LPAR3: variants seen among roughly 807,000 people sequenced by gnomAD.
LPAR3 encodes LPA receptor 3.
Under a neutral mutation model 17.8 loss-of-function variants are expected in LPAR3, and 7 were observed. The ratio of observed to expected loss-of-function variants is 0.39; its 90% confidence interval spans 0.22 to 0.74. The LOEUF (loss-of-function observed/expected upper bound fraction) is 0.74, where lower values mean the gene tolerates loss of function less well. Among genes scored for constraint, LPAR3 ranks in the 30% least tolerant of loss-of-function variants. The probability of loss-of-function intolerance (pLI) is 0.40; values close to 1 mark genes in which losing one functional copy is unlikely to be tolerated. For missense variants in LPAR3, 391 were observed against 453.4 expected (o/e 0.86, Z 1.25); for synonymous variants, 179 against 179.9 (o/e 0.99, Z 0.04).
At chr1:84,859,218 C>T (rs878972742) in intron 2 of LPAR3, among the ~76,000 whole-genome samples, 1 of 152,180 alleles carries the variant, frequency 6.6e-6, no homozygotes, top group Admixed American at 6.5e-5. Context: ...TGGCAAGGCT[C>T]TTTATGGTAC....
At chr1:84,887,971 G>A (rs1193794082) in intron 1 of LPAR3, among the ~76,000 whole-genome samples, 1 of 152,054 alleles carries the variant, frequency 6.6e-6, no homozygotes, top group Non-Finnish European at 1.5e-5. Context: ...GGATGATAGT[G>A]TTTTGTATCA....
chr1:84,852,331 G>A lies in LPAR3; in HGVS notation c.736+13054C>T, dbSNP rs150079922. On this transcript the variant is annotated intron_variant, in intron 2 of 2. Transcript: ENST00000370611. ...CTTGACCTCGTGATCTGCCCTCCTC[G>A]GCCTCCCAAAGTGCTGGGATTACAG... Among the ~76,000 whole-genome samples, 419 of 152,116 alleles carry A rather than the reference G, an allele frequency of 2.8e-3. 8 individuals carry two copies. In the East Asian group the frequency reaches 0.029, roughly 10 times the overall value.
chr1:84,834,933 T>C (rs929598848), intron 2 of LPAR3, among the ~76,000 whole-genome samples: 2 of 152,234 alleles, frequency 1.3e-5, no homozygotes, highest in Non-Finnish European at 2.9e-5. Context: ...CTCCGATTTT[T>C]AGAAAAGTCT....
In LPAR3 at chr1:84,866,112, C is replaced by T. The variant is rs1320150607; in HGVS notation, c.9G>A (p.Glu3=). The T allele has an allele frequency of 1.3e-6, 2 of 1,513,348 alleles. No individual in the cohort carries two copies. The highest frequency in any genetic ancestry group is 1.2e-5 in the South Asian group (1 of 83,388). The allele number at this position is 1,513,348 out of a possible 1,614,324, so 93.7% of individuals were successfully genotyped here. Residue 3 remains glutamate (E), a synonymous_variant, in exon 2 of 3, where the codon GAG becomes GAA. Transcript: ENST00000370611. MN[E]CHYDKHMDFF... is the part of the protein sequence containing the mutation. ...AGTCCATGTGCTTGTCATAGTGACACTCATTCATTGTGGAGAAGTGAACAT... is the reference window on the plus strand; with the variant it reads ...AGTCCATGTGCTTGTCATAGTGACATTCATTCATTGTGGAGAAGTGAACAT...
intron 1 of LPAR3, among the ~76,000 whole-genome samples, chr1:84,885,352 T>A (rs1660439738): frequency 6.6e-6 from 1 of 152,158 alleles, no homozygotes; most frequent in Non-Finnish European, 1.5e-5. Flanking sequence ...TGATAACATT[T>A]AAACAAGCGG....
At chr1:84,819,130 A>G (rs1487889797) in intron 2 of LPAR3, among the ~76,000 whole-genome samples, 2 of 152,144 alleles carry the variant, frequency 1.3e-5, no homozygotes, top group Non-Finnish European at 2.9e-5. Context: ...TCCCACCTGG[A>G]TTTTTTGGAA....
At position 84,811,868 on chromosome 1, in the gene LPAR3, T is replaced by C. The variant is rs1330835130; in HGVS notation, c.*1978A>G. On this transcript the variant is annotated 3_prime_UTR_variant, in exon 3 of 3. Transcript: ENST00000370611. Reference sequence around the variant, plus strand: ...ATCTACCTTGAAGTTATTCTCATTTTAAATCAGAATACACTCTAAATGTTT... The same window carrying C: ...ATCTACCTTGAAGTTATTCTCATTTCAAATCAGAATACACTCTAAATGTTT... 6.6e-6 allele frequency: 1 copy of C among 152,214 alleles called. No individual in the cohort carries two copies. Among genetic ancestry groups the C allele is most frequent in the African/African-American group, 2.4e-5 (1 of 41,452 alleles). 9.4% of individuals were successfully genotyped at this position (152,214 alleles called of 1,614,324 possible). A position where few individuals can be genotyped will look rare whatever the true frequency, so the allele number is the denominator to read the frequency against.
intron 1 of LPAR3, among the ~76,000 whole-genome samples, chr1:84,870,056 C>T (rs562812905): frequency 6.6e-6 from 1 of 152,262 alleles, no homozygotes; most frequent in South Asian, 2.1e-4. Context: ...CTAGAATTAC[C>T]AAAAATTTTT....
intron 2 of LPAR3, among the ~76,000 whole-genome samples, chr1:84,838,308 T>TGAAAG: frequency 6.6e-6 from 1 of 152,204 alleles, no homozygotes; most frequent in Admixed American, 6.5e-5. Flanking sequence ...GTGGATTCTT[T>TGAAAG]CACAGATCAC....
chr1:84,821,318 C>T (rs1256830587), intron 2 of LPAR3, among the ~76,000 whole-genome samples: 2 of 152,122 alleles, frequency 1.3e-5, no homozygotes, highest in East Asian at 3.8e-4. Flanking sequence ...TCCCCATACA[C>T]GTCCACACAC....
chr1:84,859,405 T>C (rs1659891965), intron 2 of LPAR3, among the ~76,000 whole-genome samples: 1 of 152,170 alleles, frequency 6.6e-6, no homozygotes, highest in Non-Finnish European at 1.5e-5. Flanking sequence ...CCTGTTTTAA[T>C]TACCACAAGC....
chr1:84,833,586 C>A (rs774153704), intron 2 of LPAR3, among the ~76,000 whole-genome samples: 16 of 152,190 alleles, frequency 1.1e-4, no homozygotes, highest in Admixed American at 2.6e-4. Flanking sequence ...GTCAGAGGGG[C>A]AAATGGCACA....
At chr1:84,851,472 C>T (rs764639462) in intron 2 of LPAR3, among the ~76,000 whole-genome samples, 1 of 152,204 alleles carries the variant, frequency 6.6e-6, no homozygotes. Context: ...AGTCCTGTCC[C>T]TGAGAAGCTC....
chr1:84,843,693 T>C (rs915213150), intron 2 of LPAR3, among the ~76,000 whole-genome samples: 1 of 152,266 alleles, frequency 6.6e-6, no homozygotes, highest in African/African-American at 2.4e-5. Flanking sequence ...ATCTAAGTGC[T>C]TCACAAGTTC....
chr1:84,863,683 C>T (rs1659984063), intron 2 of LPAR3, among the ~76,000 whole-genome samples: 1 of 152,196 alleles, frequency 6.6e-6, no homozygotes, highest in Admixed American at 6.5e-5. Flanking sequence ...TGTACATCTC[C>T]AGCCCAGACC....
chr1:84,817,805 A>AAC (rs1194203573), intron 2 of LPAR3, among the ~76,000 whole-genome samples: 1 of 151,380 alleles, frequency 6.6e-6, no homozygotes, highest in Non-Finnish European at 1.5e-5. Flanking sequence ...TCCTGGCCAA[A>AAC]AAAAAAAAAA....
intron 1 of LPAR3, among the ~76,000 whole-genome samples, chr1:84,889,332 T>A (rs950409116): frequency 6.6e-6 from 1 of 151,870 alleles, no homozygotes; most frequent in African/African-American, 2.4e-5. Flanking sequence ...CTTTGCAGAG[T>A]AAACTAGAGA....
At chr1:84,878,052 C>T (rs542532594) in intron 1 of LPAR3, among the ~76,000 whole-genome samples, 36 of 152,012 alleles carry the variant, frequency 2.4e-4, no homozygotes, top group African/African-American at 7.5e-4. Context: ...TACTTGTGAC[C>T]TCACATGACA....
chr1:84,825,882 A>G (rs1659145419), intron 2 of LPAR3, among the ~76,000 whole-genome samples: 1 of 152,222 alleles, frequency 6.6e-6, no homozygotes, highest in African/African-American at 2.4e-5. Context: ...GAATAAAAGA[A>G]CAAATGTATA....
Sources: gnomAD v4.1 joint callset for allele counts (sites outside exome capture counted in the v4.1 genomes callset) on GRCh38, gnomAD v4.1.1 for gene constraint, MANE v1.5 for transcripts, NCBI Gene and HGNC (gene_info 2026-07-23, HGNC 2026-07-21) for gene names.